The following CRYBG1 variants were observed in gnomAD, a reference collection of about 807,000 sequenced individuals.
CRYBG1 encodes the protein crystallin beta-gamma domain containing 1.
In CRYBG1, 139 loss-of-function variants were observed where a neutral mutation model predicts 189.2. The ratio of observed to expected loss-of-function variants is 0.73; its 90% CI spans 0.64 to 0.85. The LOEUF is 0.85. CRYBG1 is among the 40% of genes least tolerant of loss of function. The pLI is 0.00. For missense variants in CRYBG1, 2,611 were observed against 2,675.8 expected, an observed-to-expected ratio of 0.98 and a Z score of 0.53; for synonymous variants, 1,023 against 1,017.1, an observed-to-expected ratio of 1.01 and a Z score of -0.11.
At chr6:106,478,278 G>A (rs757052561) in intron 2 of CRYBG1, among the ~76,000 whole-genome samples, 20 of 152,202 alleles carry the variant, frequency 1.3e-4, no homozygotes, top group Non-Finnish European at 2.6e-4. Context: ...TTGAAGATTA[G>A]ATCTATCTTA....
intron 1 of CRYBG1, among the ~76,000 whole-genome samples, chr6:106,440,634 G>A (rs1203966828): frequency 6.6e-6 from 1 of 152,092 alleles, no homozygotes; most frequent in East Asian, 1.9e-4. Flanking sequence ...TCACTCAGTT[G>A]ATGGCTGTAA....
rs551615220 is a variant in CRYBG1 at position 106,563,306 on chromosome 6, G to A, written c.6139-458G>A. Among the ~76,000 whole-genome samples, 12 of 152,214 alleles carry A rather than the reference G, an allele frequency of 7.9e-5. No individual in the cohort carries two copies. In the South Asian group the frequency reaches 1.7e-3, roughly 21 times the overall value. On this transcript the variant is annotated intron_variant, in intron 20 of 21. Transcript: ENST00000633556. ...GACAAATGCTAATAAATGCAATTCC[G>A]AGTTTTAAAATGATAAAATGCCCTT...
At chr6:106,444,565 G>T (rs1434740428) in intron 1 of CRYBG1, among the ~76,000 whole-genome samples, 1 of 152,132 alleles carries the variant, frequency 6.6e-6, no homozygotes, top group Non-Finnish European at 1.5e-5. Context: ...AAACCTTGTG[G>T]AACCTAGCCT....
chr6:106,499,520 A>C (rs574126934), intron 2 of CRYBG1, among the ~76,000 whole-genome samples: 1,373 of 19,696 alleles, frequency 0.07, 16 homozygotes, highest in African/African-American at 0.33. Flanking sequence ...ATTGACAAAT[A>C]ATTTTATATA....
At chr6:106,515,481 C>A (rs776221416) in intron 3 of CRYBG1, among the ~76,000 whole-genome samples, 2 of 152,098 alleles carry the variant, frequency 1.3e-5, no homozygotes, top group Non-Finnish European at 2.9e-5. Context: ...AGATATACTT[C>A]GATGTTTGAA....
intron 1 of CRYBG1, among the ~76,000 whole-genome samples, chr6:106,377,336 C>A (rs1562290298): frequency 6.6e-6 from 1 of 152,064 alleles, no homozygotes; most frequent in South Asian, 2.1e-4. Context: ...GAACAATAAC[C>A]TTTTCTTACT....
intron 1 of CRYBG1, among the ~76,000 whole-genome samples, chr6:106,382,502 A>G (rs1562291856): frequency 6.6e-6 from 1 of 151,926 alleles, no homozygotes; most frequent in Non-Finnish European, 1.5e-5. Context: ...TTTTGTGAAA[A>G]CTCCCTATTG....
intron 2 of CRYBG1, among the ~76,000 whole-genome samples, chr6:106,491,241 A>G (rs986596345): frequency 1.3e-5 from 2 of 152,354 alleles, no homozygotes; most frequent in Admixed American, 1.3e-4. Flanking sequence ...GCTGCATGCA[A>G]AAGGACTGAC....
rs568101271 is a variant in CRYBG1, at chr6:106,462,136, G to T, written c.312+10304G>T. Among the ~76,000 whole-genome samples, 5 of 151,046 alleles carry T rather than the reference G, an allele frequency of 3.3e-5. No homozygotes were observed. The Admixed American group carries it at 3.3e-4, about 10-fold the overall frequency. Reference sequence around the variant, plus strand: ...CTCATTTAGCTATTCTTTTTTTTCTGAAGTTTTTTGTTTGTTTGTTTTTTG... The same window carrying T: ...CTCATTTAGCTATTCTTTTTTTTCTTAAGTTTTTTGTTTGTTTGTTTTTTG... On this transcript the variant is annotated intron_variant, in intron 2 of 21. Transcript: ENST00000633556.
chr6:106,533,917 A>G (rs1222380973), intron 8 of CRYBG1, among the ~76,000 whole-genome samples: 1 of 152,226 alleles, frequency 6.6e-6, no homozygotes, highest in Non-Finnish European at 1.5e-5. Flanking sequence ...AACCAGGCAC[A>G]GGACACAGTC....
intron 16 of CRYBG1, 126 bp from the exon 17 acceptor site, chr6:106,555,638 GAAGA>G (rs1406149091): frequency 8.9e-7 from 1 of 1,129,498 alleles, no homozygotes; most frequent in East Asian, 2.5e-5. Flanking sequence ...AAATATTTTT[GAAGA>G]AAGAACTCTG....
chr6:106,516,336 C>A (rs551707809), intron 3 of CRYBG1, among the ~76,000 whole-genome samples: 1 of 151,992 alleles, frequency 6.6e-6, no homozygotes, highest in East Asian at 1.9e-4. Context: ...CAGGTTTAAG[C>A]AATTCTCCTG....
At chr6:106,438,763 T>C (rs920480572) in intron 1 of CRYBG1, among the ~76,000 whole-genome samples, 5 of 152,182 alleles carry the variant, frequency 3.3e-5, no homozygotes, top group Non-Finnish European at 7.3e-5. Flanking sequence ...AAATGAATAA[T>C]CCATTGGAAT....
chr6:106,365,050 A>T (rs911932960), intron 1 of CRYBG1, among the ~76,000 whole-genome samples: 1 of 152,164 alleles, frequency 6.6e-6, no homozygotes, highest in African/African-American at 2.4e-5. Flanking sequence ...TCTGCTATAT[A>T]ATGAAAGTGG....
intron 1 of CRYBG1, among the ~76,000 whole-genome samples, chr6:106,411,482 G>C (rs900658076): frequency 3.3e-5 from 5 of 152,098 alleles, no homozygotes; most frequent in African/African-American, 1.2e-4. Context: ...CATAGACTTT[G>C]GGTCTTGAGT....
chr6:106,506,656 T>C (rs1034826575), intron 2 of CRYBG1, among the ~76,000 whole-genome samples: 25 of 152,144 alleles, frequency 1.6e-4, no homozygotes, highest in African/African-American at 5.8e-4. Flanking sequence ...TTTCACCACA[T>C]TGGCCAGGCT....
intron 1 of CRYBG1, among the ~76,000 whole-genome samples, chr6:106,371,539 A>C (rs2114300765): frequency 6.6e-6 from 1 of 152,344 alleles, no homozygotes; most frequent in Admixed American, 6.5e-5. Flanking sequence ...AGTTACTGCA[A>C]GGGTGGGATT....
chr6:106,510,382 G>A (rs1459494270), intron 2 of CRYBG1, among the ~76,000 whole-genome samples: 3 of 152,218 alleles, frequency 2.0e-5, no homozygotes, highest in Non-Finnish European at 2.9e-5. Context: ...GCCCATTGGC[G>A]GGTTTGCTTT....
At chr6:106,465,209 G>A (rs762865106) in intron 2 of CRYBG1, among the ~76,000 whole-genome samples, 8 of 152,100 alleles carry the variant, frequency 5.3e-5, no homozygotes, top group Non-Finnish European at 8.8e-5. Flanking sequence ...TCTCCAGGGC[G>A]GGGAACTAAC....
Sources: gnomAD v4.1 joint callset for allele counts (sites outside exome capture counted in the v4.1 genomes callset) on GRCh38, gnomAD v4.1.1 for gene constraint, MANE v1.5 for transcripts, NCBI Gene and HGNC (gene_info 2026-07-23, HGNC 2026-07-21) for gene names.